Variants in P2RX5 observed in about 807,000 individuals in gnomAD.
P2RX5 encodes P2X purinoceptor 5.
P2RX5 carries 46 observed loss-of-function variants against 54.1 expected under a neutral mutation model. That is an observed-to-expected ratio of 0.85 (90% CI 0.67 to 1.09). The LOEUF (loss-of-function observed/expected upper bound fraction) is 1.09. P2RX5 is among the 50% of genes least tolerant of loss of function. The pLI is 0.00. For synonymous variants in P2RX5, 226 were observed against 226.4 expected (o/e 1.00, Z 0.02); for missense variants, 566 against 549.8 (o/e 1.03, Z -0.29).
Position 3,691,801 on chromosome 17 carries a change from G to A in P2RX5, c.138-7C>T. 1.2e-6 allele frequency: 2 copies of A among 1,614,084 alleles called. No homozygotes were observed. Among genetic ancestry groups the A allele is most frequent in the Middle Eastern group, 1.6e-4 (1 of 6,062 alleles). On this transcript the variant is annotated splice_polypyrimidine_tract_variant and splice_region_variant and intron_variant, in intron 1 of 11. Coordinates refer to ENST00000225328, the MANE Select transcript of P2RX5 (RefSeq NM_002561.4). Reference sequence around the variant, plus strand: ...CTTTATCAGGAACACCCATCTGTGGGAAGGGGGCCGGTACGTGGGCATCAG... The same window carrying A: ...CTTTATCAGGAACACCCATCTGTGGAAAGGGGGCCGGTACGTGGGCATCAG...
chr17:3,674,011 T>A, intron 11 of P2RX5, 134 bp from the exon 12 acceptor site: 1 of 913,846 alleles, frequency 1.1e-6, no homozygotes, highest in South Asian at 1.4e-5. Flanking sequence ...TTCTCCCCAT[T>A]TAAAAGCCAG....
the P2RX5 span, chr17:3,723,726 A>C: frequency 6.2e-7 from 1 of 1,606,446 alleles, no homozygotes; most frequent in Non-Finnish European, 8.5e-7. Flanking sequence ...TCCTGACTCC[A>C]GGTGCACACC....
chr17:3,688,148 C>T (rs1249102045), intron 8 of P2RX5, 43 bp from the exon 9 acceptor site: 4 of 1,107,458 alleles, frequency 3.6e-6, no homozygotes, highest in Non-Finnish European at 4.1e-6. Flanking sequence ...CCTGCCTGGC[C>T]TTCCCTCTTT....
chr17:3,720,113 C>G, the P2RX5 span, among the ~76,000 whole-genome samples: 2 of 152,168 alleles, frequency 1.3e-5, no homozygotes, highest in African/African-American at 4.8e-5. Flanking sequence ...CAGAACTCCT[C>G]AGCTTAGGCC....
chr17:3,703,278 G>A, the P2RX5 span, among the ~76,000 whole-genome samples: 1 of 152,232 alleles, frequency 6.6e-6, no homozygotes, highest in Non-Finnish European at 1.5e-5. Context: ...GCTGAGGTGA[G>A]AGGATCACTT....
the P2RX5 span, among the ~76,000 whole-genome samples, chr17:3,714,237 T>C: frequency 7.0e-6 from 1 of 142,038 alleles, no homozygotes; most frequent in African/African-American, 2.6e-5. Flanking sequence ...TATTTTGTTT[T>C]TTTCTTTTTG....
upstream of P2RX5, among the ~76,000 whole-genome samples, chr17:3,700,509 G>A (rs1567744618): frequency 6.6e-6 from 1 of 151,568 alleles, no homozygotes; most frequent in Non-Finnish European, 1.5e-5. Flanking sequence ...CTCCAGCCTG[G>A]GCGACAGAGT....
the P2RX5 span, chr17:3,714,745 C>G: frequency 6.1e-6 from 4 of 654,102 alleles, no homozygotes; most frequent in Admixed American, 2.8e-5. Context: ...ACCAACAGCT[C>G]CATGCTGCTC....
chr17:3,680,073 T>C (rs1006461584), intron 10 of P2RX5, among the ~76,000 whole-genome samples: 99 of 72,720 alleles, frequency 1.4e-3, no homozygotes, highest in African/African-American at 1.4e-3. Flanking sequence ...ATCCTCCACC[T>C]GGCTTCCTCC....
At chr17:3,697,019 G>A, upstream of P2RX5, among the ~76,000 whole-genome samples, 1 of 152,048 alleles carries the variant, frequency 6.6e-6, no homozygotes, top group East Asian at 1.9e-4. Flanking sequence ...ACTAATGCGC[G>A]TTTCTACTGC....
At chr17:3,706,415 G>A in the P2RX5 span, among the ~76,000 whole-genome samples, 1 of 152,050 alleles carries the variant, frequency 6.6e-6, no homozygotes, top group Non-Finnish European at 1.5e-5. Context: ...TTCAACAGAC[G>A]TAATTCCACC....
At position 3,679,701 on chromosome 17, in the gene P2RX5, AGCCCTG is replaced by A. The variant is rs1322417330; in HGVS notation, c.1142_1147del (p.Pro381_Gly382del). The stretch of plus-strand genomic sequence containing the variant: ...CTCCTGCTGCTCCGGCATCCCCAGC[AGCCCTG>A]GCCCAGATGTGAGCTGCTCAGATAG... On this transcript the variant is annotated inframe_deletion, in exon 11 of 12. Coordinates refer to ENST00000225328, the MANE Select transcript of P2RX5 (RefSeq NM_002561.4). The A allele has an allele frequency of 6.2e-7, 1 of 1,612,368 alleles. No homozygotes were observed.
In P2RX5 at chr17:3,681,773, C is replaced by T. The variant is rs528671153; in HGVS notation, c.1064+123G>A. On this transcript the variant is annotated intron_variant, in intron 10 of 11. Coordinates refer to ENST00000225328, the MANE Select transcript of P2RX5 (RefSeq NM_002561.4). ...GCATGTACTCAGAACACTTCTCCTCCCCGGGCCCTCCAGCCCCTGCCTCCC... is the reference window on the plus strand; with the variant it reads ...GCATGTACTCAGAACACTTCTCCTCTCCGGGCCCTCCAGCCCCTGCCTCCC... 305 of 738,060 alleles carry T rather than the reference C, an allele frequency of 4.1e-4. 1 individual carries two copies. The African/African-American group carries it at 4.6e-3, about 11-fold the overall frequency. 45.7% of individuals were successfully genotyped at this position (738,060 alleles called of 1,614,324 possible).
At chr17:3,712,302 A>G in the P2RX5 span, among the ~76,000 whole-genome samples, 1 of 152,216 alleles carries the variant, frequency 6.6e-6, no homozygotes, top group Non-Finnish European at 1.5e-5. Flanking sequence ...TGATGGAATC[A>G]GATCAACAGG....
At chr17:3,699,935 AAAG>A (rs2050806872), upstream of P2RX5, among the ~76,000 whole-genome samples, 5 of 122,440 alleles carry the variant, frequency 4.1e-5, no homozygotes, top group Admixed American at 3.9e-4. Flanking sequence ...AGAAAGAAAG[AAAG>A]AAAGAAAGAA....
chr17:3,680,873 CAG>C (rs2050254631), intron 10 of P2RX5, among the ~76,000 whole-genome samples: 1 of 86,544 alleles, frequency 1.2e-5, no homozygotes, highest in African/African-American at 5.1e-5. Flanking sequence ...GTCCTCCACC[CAG>C]TGTCCTCCAC....
chr17:3,685,298 C>T (rs576047305), intron 9 of P2RX5, among the ~76,000 whole-genome samples: 6 of 152,318 alleles, frequency 3.9e-5, no homozygotes, highest in African/African-American at 1.4e-4. Flanking sequence ...CTCCCTGGCT[C>T]TGGAAAGAGA....
the P2RX5 span, among the ~76,000 whole-genome samples, chr17:3,704,972 C>T: frequency 6.6e-6 from 1 of 152,184 alleles, no homozygotes. Context: ...TGCCATTGTA[C>T]TACAGCCTGG....
chr17:3,714,100 TTTA>T, the P2RX5 span, among the ~76,000 whole-genome samples: 1 of 148,456 alleles, frequency 6.7e-6, no homozygotes, highest in African/African-American at 2.5e-5. Flanking sequence ...GCTAATTTTT[TTTA>T]TTTTTAGTAG....
Sources: gnomAD v4.1 joint callset for allele counts (sites outside exome capture counted in the v4.1 genomes callset) on GRCh38, gnomAD v4.1.1 for gene constraint, MANE v1.5 for transcripts, NCBI Gene and HGNC (gene_info 2026-07-23, HGNC 2026-07-21) for gene names.